CTNNA2: variants seen among roughly 807,000 people sequenced by gnomAD.
CTNNA2 encodes catenin alpha-2.
A neutral mutation model predicts 101.0 loss-of-function variants in CTNNA2; 42 were observed. The observed-to-expected ratio is 0.42, with a 90% CI of 0.32 to 0.54. The LOEUF is 0.54. CTNNA2 is among the 20% of genes least tolerant of loss of function. CTNNA2 has a pLI of 0.14. For missense variants in CTNNA2, 871 were observed against 1,223.1 expected (o/e 0.71, Z 4.29); for synonymous variants, 450 against 456.4 (o/e 0.99, Z 0.18).
At chr2:79,718,465 C>A (rs1291062093) in intron 2 of CTNNA2, among the ~76,000 whole-genome samples, 1 of 152,094 alleles carries the variant, frequency 6.6e-6, no homozygotes, top group Non-Finnish European at 1.5e-5. Context: ...ATGATCTGCT[C>A]CCCACTTTAT....
intron 2 of CTNNA2, among the ~76,000 whole-genome samples, chr2:79,279,580 A>G (rs1184722280): frequency 6.6e-6 from 1 of 152,150 alleles, no homozygotes; most frequent in Non-Finnish European, 1.5e-5. Context: ...TAGGAAAAAG[A>G]TCTTCCCTTT....
At chr2:79,704,231 T>A (rs1685196977) in intron 2 of CTNNA2, among the ~76,000 whole-genome samples, 1 of 152,192 alleles carries the variant, frequency 6.6e-6, no homozygotes, top group African/African-American at 2.4e-5. Context: ...AGAGGTTTAT[T>A]GCCTAGTGAA....
chr2:79,490,046 G>A (rs1395016225), intron 4 of CTNNA2, among the ~76,000 whole-genome samples: 1 of 151,996 alleles, frequency 6.6e-6, no homozygotes, highest in Non-Finnish European at 1.5e-5. Context: ...TTCATCTGGT[G>A]GCCTAGTTCT....
chr2:80,180,458 G>A (rs1488059389), intron 7 of CTNNA2, among the ~76,000 whole-genome samples: 1 of 152,220 alleles, frequency 6.6e-6, no homozygotes, highest in Non-Finnish European at 1.5e-5. Flanking sequence ...AGACTATTCT[G>A]ATTGCTGCTT....
chr2:79,900,170 C>T (rs1487670120), intron 6 of CTNNA2, among the ~76,000 whole-genome samples: 1 of 152,106 alleles, frequency 6.6e-6, no homozygotes, highest in Non-Finnish European at 1.5e-5. Context: ...GTCTTTCATT[C>T]TCAATTTTCA....
At chr2:79,686,497 C>T (rs1345348242) in intron 2 of CTNNA2, among the ~76,000 whole-genome samples, 1 of 152,144 alleles carries the variant, frequency 6.6e-6, no homozygotes, top group Non-Finnish European at 1.5e-5. Context: ...TGAATTTCTA[C>T]TCTATTTCGT....
At chr2:80,078,158 G>T (rs570978456) in intron 7 of CTNNA2, among the ~76,000 whole-genome samples, 1 of 152,288 alleles carries the variant, frequency 6.6e-6, no homozygotes, top group Admixed American at 6.5e-5. Context: ...TAAGTCCAGT[G>T]TTAGGTGCAT....
chr2:80,418,292 G>T (rs1008991961), intron 8 of CTNNA2, among the ~76,000 whole-genome samples: 2 of 152,118 alleles, frequency 1.3e-5, no homozygotes, highest in Non-Finnish European at 2.9e-5. Flanking sequence ...CTAATAGTGT[G>T]TAATAGGAAT....
intron 7 of CTNNA2, among the ~76,000 whole-genome samples, chr2:80,301,057 C>T (rs1676258865): frequency 6.6e-6 from 1 of 152,112 alleles, no homozygotes; most frequent in Admixed American, 6.5e-5. Flanking sequence ...TATGCAAACA[C>T]AGGATCAAAT....
chr2:79,358,922 A>G (rs987290641), intron 3 of CTNNA2, among the ~76,000 whole-genome samples: 2 of 152,138 alleles, frequency 1.3e-5, no homozygotes, highest in Non-Finnish European at 2.9e-5. Context: ...CTCTAACCCA[A>G]ATAATTTTCA....
chr2:79,253,564 G>A (rs182131641), intron 2 of CTNNA2, among the ~76,000 whole-genome samples: 5 of 152,254 alleles, frequency 3.3e-5, no homozygotes, highest in East Asian at 3.9e-4. Flanking sequence ...ACCCCAAATC[G>A]GTTCAGCAGT....
intron 3 of CTNNA2, among the ~76,000 whole-genome samples, chr2:79,797,895 C>A (rs1675846452): frequency 6.6e-6 from 1 of 151,932 alleles, no homozygotes; most frequent in South Asian, 2.1e-4. Flanking sequence ...ATTTATTCTT[C>A]ATTATTTCTT....
chr2:79,939,455 G>A (rs2104451270), intron 7 of CTNNA2, among the ~76,000 whole-genome samples: 1 of 152,222 alleles, frequency 6.6e-6, no homozygotes, highest in Non-Finnish European at 1.5e-5. Flanking sequence ...GTTTTCTGCA[G>A]TCTTAAAATG....
intron 7 of CTNNA2, among the ~76,000 whole-genome samples, chr2:79,990,148 G>A (rs1337748391): frequency 6.6e-6 from 1 of 152,150 alleles, no homozygotes; most frequent in Non-Finnish European, 1.5e-5. Flanking sequence ...ACAAGGGGAT[G>A]GCAGGTAGAT....
At chr2:80,162,514 C>G in intron 7 of CTNNA2, 1 of 1,602,048 alleles carries the variant, frequency 6.2e-7, no homozygotes, top group East Asian at 2.2e-5. Context: ...AGTCATGGCT[C>G]CAGCCATCAT....
chr2:80,093,501 A>C (rs1699926999), intron 7 of CTNNA2, among the ~76,000 whole-genome samples: 1 of 152,128 alleles, frequency 6.6e-6, no homozygotes, highest in Admixed American at 6.6e-5. Flanking sequence ...ATGATTTATA[A>C]TCCTTTGGGT....
At chr2:80,432,806 C>T (rs1681663859) in intron 9 of CTNNA2, among the ~76,000 whole-genome samples, 1 of 152,134 alleles carries the variant, frequency 6.6e-6, no homozygotes, top group Admixed American at 6.5e-5. Flanking sequence ...TATTTTATTA[C>T]TTAATTTTTT....
At chr2:80,502,437 G>A (rs1687950042) in intron 9 of CTNNA2, among the ~76,000 whole-genome samples, 2 of 152,148 alleles carry the variant, frequency 1.3e-5, no homozygotes, top group South Asian at 2.1e-4. Flanking sequence ...CACAATGCAG[G>A]CCCTCTTTTC....
intron 2 of CTNNA2, among the ~76,000 whole-genome samples, chr2:79,226,520 A>G (rs764380792): frequency 1.2e-4 from 18 of 152,168 alleles, no homozygotes; most frequent in Non-Finnish European, 2.4e-4. Context: ...CAGGTATTAA[A>G]AGTATCAGAT....
Sources: allele counts gnomAD v4.1 joint callset (sites outside exome capture counted in the v4.1 genomes callset), GRCh38; gene constraint gnomAD v4.1.1; transcripts MANE v1.5; gene names NCBI Gene and HGNC (gene_info 2026-07-23, HGNC 2026-07-21).